Variants in MAGI2 observed in about 807,000 individuals in gnomAD.
MAGI2 encodes the protein membrane associated guanylate kinase, WW and PDZ domain containing 2, also known as membrane-associated guanylate kinase, WW and PDZ domain-containing protein 2.
A neutral mutation model predicts 133.3 loss-of-function variants in MAGI2; 35 were observed. That is an observed-to-expected ratio of 0.26 (90% CI 0.20 to 0.35). MAGI2 has a LOEUF of 0.35. Among genes scored for constraint, MAGI2 ranks in the 10% least tolerant of loss-of-function variants. MAGI2 has a pLI of 1.00. For missense variants in MAGI2, 1,636 were observed against 1,863.4 expected (o/e 0.88, Z 2.25); for synonymous variants, 729 against 710.6 (o/e 1.03, Z -0.41).
chr7:78,608,181 C>T lies in MAGI2; in HGVS notation c.538+18939G>A, dbSNP rs550868943. ...GACACATATTAAGTCCCTCTCTTGA[C>T]TTAATGTAAAGGGGTAATTACCTTT... On this transcript the variant is annotated intron_variant, in intron 3 of 21. Transcript: ENST00000354212. Among the ~76,000 whole-genome samples, 4 of 152,242 alleles carry T rather than the reference C, an allele frequency of 2.6e-5. No homozygotes were observed. In the South Asian group the frequency reaches 8.3e-4, roughly 32 times the overall value.
At chr7:78,432,030 TAAAGA>T (rs761772057) in intron 6 of MAGI2, among the ~76,000 whole-genome samples, 21 of 152,028 alleles carry the variant, frequency 1.4e-4, no homozygotes, top group Non-Finnish European at 1.8e-4. Flanking sequence ...ATACTTAATT[TAAAGA>T]AAAGCATAAG....
Position 78,501,735 on chromosome 7 carries a change from G to C in MAGI2, c.807C>G (p.Ser269=). 6.2e-7 allele frequency: 1 copy of C among 1,614,010 alleles called. No homozygotes were observed. Among genetic ancestry groups the C allele is most frequent in the South Asian group, 1.1e-5 (1 of 91,070 alleles). Residue 269 remains serine, a synonymous_variant, in exon 5 of 22, where the codon TCC becomes TCG. Coordinates refer to ENST00000354212, the MANE Select transcript of MAGI2 (RefSeq NM_012301.4). ...KSAGASGEMP[S]QPYPAPVYSQ... ...TGTACACTGGTGCAGGATAAGGCTGGGAGGGCATCTCCCCTGAGGCACCTG... is the reference window on the plus strand; with the variant it reads ...TGTACACTGGTGCAGGATAAGGCTGCGAGGGCATCTCCCCTGAGGCACCTG...
At chr7:78,718,809 C>T (rs192369097) in intron 2 of MAGI2, among the ~76,000 whole-genome samples, 288 of 152,188 alleles carry the variant, frequency 1.9e-3, no homozygotes, top group African/African-American at 6.5e-3. Context: ...AATTGTCTTC[C>T]ATGAAACCAG....
chr7:78,807,092 C>G (rs144903301), intron 2 of MAGI2, among the ~76,000 whole-genome samples: 81 of 151,934 alleles, frequency 5.3e-4, no homozygotes, highest in African/African-American at 1.8e-3. Context: ...TTGCAATCCT[C>G]TGATTAAATG....
chr7:78,103,307 T>C (rs1818364514), intron 20 of MAGI2, among the ~76,000 whole-genome samples: 2 of 152,236 alleles, frequency 1.3e-5, no homozygotes, highest in African/African-American at 4.8e-5. Context: ...GTTGTGATAA[T>C]TATAGTTCTC....
At chr7:78,826,737 T>C (rs1344091037) in intron 2 of MAGI2, among the ~76,000 whole-genome samples, 6 of 152,026 alleles carry the variant, frequency 3.9e-5, no homozygotes, top group Non-Finnish European at 7.4e-5. Flanking sequence ...TTACAAAAAA[T>C]ATGAAACAGC....
chr7:79,163,784 A>C (rs1196482044), intron 1 of MAGI2, among the ~76,000 whole-genome samples: 2 of 151,984 alleles, frequency 1.3e-5, no homozygotes, highest in African/African-American at 4.8e-5. Flanking sequence ...CCTAATCTTG[A>C]CTATCTTTTT....
chr7:79,117,371 A>C (rs1051169245), intron 1 of MAGI2, among the ~76,000 whole-genome samples: 1 of 152,176 alleles, frequency 6.6e-6, no homozygotes, highest in African/African-American at 2.4e-5. Flanking sequence ...TAAATAAATT[A>C]CATTAGGTGT....
At chr7:78,206,239 T>C (rs904153657) in intron 10 of MAGI2, among the ~76,000 whole-genome samples, 5 of 151,960 alleles carry the variant, frequency 3.3e-5, no homozygotes, top group African/African-American at 9.7e-5. Context: ...TAATCTATCA[T>C]GATATCGTCA....
chr7:79,393,521 A>T (rs527725154), intron 1 of MAGI2, among the ~76,000 whole-genome samples: 1 of 152,184 alleles, frequency 6.6e-6, no homozygotes, highest in African/African-American at 2.4e-5. Context: ...TTATAAAAAA[A>T]TTAACATATA....
At chr7:79,379,689 G>T (rs1374754589) in intron 1 of MAGI2, among the ~76,000 whole-genome samples, 1 of 151,894 alleles carries the variant, frequency 6.6e-6, no homozygotes, top group Non-Finnish European at 1.5e-5. Context: ...TTGTGGTTTT[G>T]ATTTGCATTT....
intron 7 of MAGI2, among the ~76,000 whole-genome samples, chr7:78,351,163 G>T (rs1456077143): frequency 6.6e-6 from 1 of 152,052 alleles, no homozygotes; most frequent in Non-Finnish European, 1.5e-5. Flanking sequence ...AGCAAGGCCA[G>T]CAGGAAAGAG....
In MAGI2 at chr7:79,076,183, T is replaced by C. The variant is rs78869500; in HGVS notation, c.302-68977A>G. Among the ~76,000 whole-genome samples the C allele has an allele frequency of 9.7e-3, 1,475 of 152,276 alleles. 39 individuals are homozygous for C. The highest frequency in any genetic ancestry group is 0.061 in the East Asian group (317 of 5,168). On this transcript the variant is annotated intron_variant, in intron 1 of 21. Transcript: ENST00000354212. ...ATCAAACTCACTGACATAAAAGCCA[T>C]CTCAAATCACTTCAAACTTTCCATT... is the stretch of plus-strand genomic sequence containing the variant.
intron 1 of MAGI2, among the ~76,000 whole-genome samples, chr7:79,244,054 C>T (rs73371176): frequency 1.9e-3 from 293 of 152,304 alleles, no homozygotes; most frequent in African/African-American, 6.5e-3. Flanking sequence ...TTTGATGTTT[C>T]TTCTGCCTAT....
At chr7:78,832,630 A>T (rs1016698192) in intron 2 of MAGI2, among the ~76,000 whole-genome samples, 1 of 152,176 alleles carries the variant, frequency 6.6e-6, no homozygotes, top group Non-Finnish European at 1.5e-5. Context: ...GGACCTGCAT[A>T]ATCTCATGAT....
intron 2 of MAGI2, among the ~76,000 whole-genome samples, chr7:78,879,324 G>A: frequency 6.6e-6 from 1 of 152,302 alleles, no homozygotes; most frequent in African/African-American, 2.4e-5. Flanking sequence ...GGGCAACAGA[G>A]ACTTCTCTCA....
intron 1 of MAGI2, among the ~76,000 whole-genome samples, chr7:79,023,004 T>C (rs1206357380): frequency 4.6e-5 from 7 of 152,126 alleles, no homozygotes; most frequent in Non-Finnish European, 7.4e-5. Context: ...AGCATCATCC[T>C]GCATAAAAAC....
chr7:79,223,120 C>T (rs980868273), intron 1 of MAGI2, among the ~76,000 whole-genome samples: 4 of 151,968 alleles, frequency 2.6e-5, no homozygotes, highest in Admixed American at 6.5e-5. Flanking sequence ...CTCCTGACCT[C>T]GTGATCCACC....
chr7:79,325,156 A>G (rs1839592493), intron 1 of MAGI2, among the ~76,000 whole-genome samples: 1 of 152,124 alleles, frequency 6.6e-6, no homozygotes, highest in Non-Finnish European at 1.5e-5. Flanking sequence ...AGTAACTTCT[A>G]GCAGGATGCT....
Sources: allele counts gnomAD v4.1 joint callset (sites outside exome capture counted in the v4.1 genomes callset), GRCh38; gene constraint gnomAD v4.1.1; transcripts MANE v1.5; gene names NCBI Gene and HGNC (gene_info 2026-07-23, HGNC 2026-07-21).